The following KATNA1 variants were observed in gnomAD, a reference collection of about 807,000 sequenced individuals.
The protein encoded by KATNA1 is katanin p60 ATPase-containing subunit A1.
In KATNA1, 42 loss-of-function variants were observed where a neutral mutation model predicts 62.6. The observed-to-expected ratio is 0.67, with a 90% CI of 0.52 to 0.87. The LOEUF is 0.87. KATNA1 is among the 40% of genes least tolerant of loss of function. The pLI is 0.00. For missense variants in KATNA1, 498 were observed against 612.5 expected (o/e 0.81, Z 1.97); for synonymous variants, 186 against 201.9 (o/e 0.92, Z 0.67).
At chr6:149,602,194 G>A (rs779585308) in intron 6 of KATNA1, among the ~76,000 whole-genome samples, 2 of 152,004 alleles carry the variant, frequency 1.3e-5, no homozygotes. Flanking sequence ...GTGAAGCCCC[G>A]TTTCTACTAA....
At chr6:149,601,916 TC>T (rs1242102858) in intron 6 of KATNA1, 164 bp from the exon 7 acceptor site, 1 of 475,240 alleles carries the variant, frequency 2.1e-6, no homozygotes, top group Non-Finnish European at 3.5e-6. Flanking sequence ...AATTTACTCT[TC>T]CCGTTAAAAA....
chr6:149,622,742 G>C (rs1011220453), intron 4 of KATNA1, among the ~76,000 whole-genome samples: 1 of 119,836 alleles, frequency 8.3e-6, no homozygotes, highest in Non-Finnish European at 1.6e-5. Context: ...TGTAATCCCA[G>C]CACCTTGGGA....
chr6:149,610,814 C>T (rs1173755673), intron 4 of KATNA1, among the ~76,000 whole-genome samples: 2 of 152,134 alleles, frequency 1.3e-5, no homozygotes, highest in African/African-American at 2.4e-5. Flanking sequence ...GGGATCACAC[C>T]ACTGCACTCC....
Position 149,632,883 on chromosome 6 carries a change from C to A in KATNA1, c.196G>T (p.Val66Phe), listed in dbSNP as rs201370995. Residue 66 changes from valine (V) to phenylalanine (F), a missense_variant, in exon 3 of 11, where the codon GTT becomes TTT. Val to Phe is a conservative substitution (Grantham distance 50, BLOSUM62 -1). Coordinates refer to ENST00000367411, the MANE Select transcript of KATNA1 (RefSeq NM_007044.4). ...WQEINVEAKH[V>F]KDIMKTLESF... ...TCTAGTGTTTTCATGATATCTTTAA[C>A]ATGTTTAGCTTCCACATTTATTTCC... 2.0e-5 allele frequency: 32 copies of A among 1,609,384 alleles called. No homozygotes were observed. Among genetic ancestry groups the A allele is most frequent in the Non-Finnish European group, 2.6e-5 (31 of 1,179,060 alleles).
intron 4 of KATNA1, among the ~76,000 whole-genome samples, chr6:149,622,402 A>T (rs142681145): frequency 6.2e-4 from 95 of 152,218 alleles, no homozygotes; most frequent in South Asian, 1.5e-3. Context: ...TTGAAGGTTA[A>T]AGGAGCATTA....
At chr6:149,635,283 A>C (rs1780025804) in intron 2 of KATNA1, among the ~76,000 whole-genome samples, 1 of 151,938 alleles carries the variant, frequency 6.6e-6, no homozygotes, top group Admixed American at 6.6e-5. Flanking sequence ...CCTCCAAAAA[A>C]CCCTCAAAAA....
intron 4 of KATNA1, among the ~76,000 whole-genome samples, chr6:149,617,954 A>T (rs1395503703): frequency 1.4e-5 from 2 of 146,468 alleles, no homozygotes; most frequent in Admixed American, 6.9e-5. Flanking sequence ...AAATAAATAA[A>T]TAAATAAATA....
chr6:149,600,609 G>A (rs1390164793), intron 7 of KATNA1, among the ~76,000 whole-genome samples: 2 of 151,904 alleles, frequency 1.3e-5, no homozygotes, highest in Non-Finnish European at 2.9e-5. Flanking sequence ...CTCCAGCCTA[G>A]GTGACAGAAT....
chr6:149,602,084 C>T (rs950252991), intron 6 of KATNA1, among the ~76,000 whole-genome samples: 2 of 152,066 alleles, frequency 1.3e-5, no homozygotes, highest in East Asian at 1.9e-4. Flanking sequence ...ATAACTTATT[C>T]GGCCAGCCAT....
At chr6:149,619,645 T>A (rs9322196) in intron 4 of KATNA1, among the ~76,000 whole-genome samples, 2 of 151,350 alleles carry the variant, frequency 1.3e-5, no homozygotes, top group Admixed American at 1.3e-4. Flanking sequence ...TAACAAATGC[T>A]GGTGAGGATT....
At chr6:149,602,626 A>G (rs1203597415) in intron 6 of KATNA1, among the ~76,000 whole-genome samples, 1 of 152,166 alleles carries the variant, frequency 6.6e-6, no homozygotes, top group East Asian at 1.9e-4. Flanking sequence ...ACAGGTTACA[A>G]TCATGCAACA....
At chr6:149,612,466 G>A (rs956460969) in intron 4 of KATNA1, among the ~76,000 whole-genome samples, 5 of 152,060 alleles carry the variant, frequency 3.3e-5, no homozygotes, top group African/African-American at 7.2e-5. Flanking sequence ...CCAAGATCGC[G>A]CCACTGCACT....
rs553795916 is a variant in KATNA1 at position 149,605,006 on chromosome 6, C to A, written c.502-224G>T. Among the ~76,000 whole-genome samples the A allele has an allele frequency of 3.3e-5, 5 of 152,174 alleles. No individual in the cohort carries two copies. The South Asian group carries it at 1.0e-3, about 32-fold the overall frequency. ...TGGCTAACAGGGTGAAACCCCATCT[C>A]TACTAAAAATACAAAAAATTAGCCA... On this transcript the variant is annotated intron_variant, in intron 4 of 10. Transcript: ENST00000367411.
At chr6:149,620,862 A>G (rs778423777) in intron 4 of KATNA1, among the ~76,000 whole-genome samples, 143 of 152,362 alleles carry the variant, frequency 9.4e-4, no homozygotes, top group Non-Finnish European at 1.6e-3. Flanking sequence ...TATAATTAAT[A>G]TAGAAGCAAC....
chr6:149,608,397 C>A (rs914283083), intron 4 of KATNA1, among the ~76,000 whole-genome samples: 1 of 152,096 alleles, frequency 6.6e-6, no homozygotes, highest in East Asian at 1.9e-4. Flanking sequence ...CCAATTTGAA[C>A]AAACAAAAAC....
chr6:149,615,060 G>A (rs1356592685), intron 4 of KATNA1, among the ~76,000 whole-genome samples: 1 of 147,080 alleles, frequency 6.8e-6, no homozygotes, highest in Non-Finnish European at 1.5e-5. Flanking sequence ...TTGAACCTGG[G>A]AGGCTGAGGT....
At chr6:149,627,583 T>G (rs1779665251) in intron 3 of KATNA1, among the ~76,000 whole-genome samples, 3 of 149,162 alleles carry the variant, frequency 2.0e-5, no homozygotes, top group Admixed American at 2.0e-4. Context: ...CTCAGGAAGC[T>G]GAGGCATTAG....
intron 1 of KATNA1, among the ~76,000 whole-genome samples, chr6:149,645,696 C>A (rs575719140): frequency 6.6e-6 from 1 of 152,100 alleles, no homozygotes; most frequent in Non-Finnish European, 1.5e-5. Context: ...TGCTTACATG[C>A]CTTGAGTATT....
intron 2 of KATNA1, among the ~76,000 whole-genome samples, chr6:149,633,284 T>G (rs1779924371): frequency 6.6e-6 from 1 of 151,850 alleles, no homozygotes; most frequent in Non-Finnish European, 1.5e-5. Context: ...ATTTTGTGTA[T>G]TTTTAGTAGA....
Sources: allele counts gnomAD v4.1 joint callset (sites outside exome capture counted in the v4.1 genomes callset), GRCh38; gene constraint gnomAD v4.1.1; transcripts MANE v1.5; gene names NCBI Gene and HGNC (gene_info 2026-07-23, HGNC 2026-07-21).